The following ZC3H12B variants were observed in gnomAD, a reference collection of about 807,000 sequenced individuals.
ZC3H12B encodes probable ribonuclease ZC3H12B.
Under a neutral mutation model 43.9 loss-of-function variants are expected in ZC3H12B, and 7 were observed. The observed-to-expected ratio is 0.16, with a 90% CI of 0.09 to 0.30. ZC3H12B has a LOEUF of 0.30. Ranked by LOEUF, ZC3H12B falls within the 10% of genes least tolerant of loss-of-function variation. ZC3H12B has a pLI of 1.00. For synonymous variants in ZC3H12B, 222 were observed against 241.7 expected (o/e 0.92, Z 0.76); for missense variants, 475 against 670.2 (o/e 0.71, Z 3.22).
At position 65,427,190 on chromosome X, in the gene ZC3H12B, T is replaced by G. The variant is rs756668736; in HGVS notation, n.407+28486T>G. Among the ~76,000 whole-genome samples the G allele has an allele frequency of 1.2e-3, 137 of 112,017 alleles. 1 individual carries two copies. The highest frequency in any genetic ancestry group is 1.8e-3 in the Non-Finnish European group (98 of 53,196). On this transcript the variant is annotated intron_variant and non_coding_transcript_variant, in intron 3 of 5. Coordinates refer to the ZC3H12B transcript ENST00000617377. ...GGATAGATAGCTCTTCTTGTTGAAT[T>G]GAACTCTTTACCATTATGTAATGCC...
chrX:65,365,110 T>C (rs2066156397), upstream of ZC3H12B, among the ~76,000 whole-genome samples: 1 of 111,020 alleles, frequency 9.0e-6, no homozygotes, highest in Non-Finnish European at 1.9e-5. Context: ...AGGCTCTTGG[T>C]ATTCAGTGGA....
chrX:65,161,434 A>G, the ZC3H12B span, among the ~76,000 whole-genome samples: 1 of 111,366 alleles, frequency 9.0e-6, no homozygotes, highest in Non-Finnish European at 1.9e-5. Flanking sequence ...TGCTTTATGA[A>G]TCTGGGTGCT....
the ZC3H12B span, among the ~76,000 whole-genome samples, chrX:65,320,478 A>G: frequency 1.8e-5 from 2 of 112,227 alleles, no homozygotes; most frequent in African/African-American, 3.2e-5. Context: ...TGCCAAAAGC[A>G]ATTTGTGGTT....
the ZC3H12B span, among the ~76,000 whole-genome samples, chrX:65,212,623 T>C: frequency 7.1e-5 from 6 of 84,495 alleles, no homozygotes; most frequent in Non-Finnish European, 1.1e-4. Context: ...TGATATATAA[T>C]ATATATAAAT....
the ZC3H12B span, among the ~76,000 whole-genome samples, chrX:65,053,497 C>T: frequency 1.4e-3 from 153 of 111,588 alleles, no homozygotes; most frequent in African/African-American, 4.8e-3. Flanking sequence ...TTTCTTAATC[C>T]AATCTATCAT....
the ZC3H12B span, among the ~76,000 whole-genome samples, chrX:65,251,646 G>C: frequency 9.0e-6 from 1 of 111,322 alleles, no homozygotes; most frequent in African/African-American, 3.3e-5. Context: ...CCTTGAAAAG[G>C]TCCTTCACAT....
At chrX:65,201,645 TC>T in the ZC3H12B span, among the ~76,000 whole-genome samples, 1 of 63,936 alleles carries the variant, frequency 1.6e-5, no homozygotes, top group Non-Finnish European at 2.6e-5. Context: ...ATCACCTCTC[TC>T]TCTCTCTCTC....
chrX:65,386,399 A>T (rs1420795029), intron 2 of ZC3H12B, among the ~76,000 whole-genome samples: 2 of 111,490 alleles, frequency 1.8e-5, no homozygotes, highest in Non-Finnish European at 3.8e-5. Flanking sequence ...CCAGTAATTT[A>T]TTCATTTCTT....
chrX:65,204,384 G>C, the ZC3H12B span, among the ~76,000 whole-genome samples: 2 of 111,543 alleles, frequency 1.8e-5, no homozygotes, highest in African/African-American at 6.5e-5. Context: ...AGCGAGTTTA[G>C]ATTTAACTAG....
At chrX:65,206,221 A>T in the ZC3H12B span, among the ~76,000 whole-genome samples, 1 of 112,130 alleles carries the variant, frequency 8.9e-6, no homozygotes, top group Admixed American at 9.5e-5. Context: ...ACTAAGTAAA[A>T]AGAACAAATC....
chrX:65,268,857 T>C, the ZC3H12B span, among the ~76,000 whole-genome samples: 1 of 112,163 alleles, frequency 8.9e-6, no homozygotes, highest in African/African-American at 3.2e-5. Context: ...CTCTCACTAC[T>C]TCTATTTATC....
intron 3 of ZC3H12B, among the ~76,000 whole-genome samples, chrX:65,406,331 A>G (rs1351990414): frequency 9.3e-6 from 1 of 107,882 alleles, no homozygotes; most frequent in Admixed American, 1.0e-4. Flanking sequence ...GGATGCAAGG[A>G]TGGTCCAACA....
At chrX:65,120,062 G>T in the ZC3H12B span, among the ~76,000 whole-genome samples, 1 of 112,063 alleles carries the variant, frequency 8.9e-6, no homozygotes, top group South Asian at 3.7e-4. Flanking sequence ...TTGTAGTATA[G>T]TTTGAAGTCA....
At chrX:65,430,717 C>A (rs2067149155) in intron 3 of ZC3H12B, among the ~76,000 whole-genome samples, 1 of 109,953 alleles carries the variant, frequency 9.1e-6, no homozygotes, top group Non-Finnish European at 1.9e-5. Context: ...TGTATATGTG[C>A]CACATTTTCT....
At chrX:65,161,337 G>C in the ZC3H12B span, among the ~76,000 whole-genome samples, 1 of 111,366 alleles carries the variant, frequency 9.0e-6, no homozygotes, top group African/African-American at 3.3e-5. Context: ...CTGTCTCGTT[G>C]ATCTGTCTGT....
the ZC3H12B span, among the ~76,000 whole-genome samples, chrX:65,344,325 G>T: frequency 9.0e-6 from 1 of 111,054 alleles, no homozygotes; most frequent in Non-Finnish European, 1.9e-5. Context: ...ACTATAAAAA[G>T]CTAGGTTACA....
chrX:65,350,406 A>G, the ZC3H12B span, among the ~76,000 whole-genome samples: 526 of 112,027 alleles, frequency 4.7e-3, 4 homozygotes, highest in African/African-American at 0.016. Flanking sequence ...ATTCTCTTAG[A>G]AAATCAGCAA....
At chrX:65,198,663 A>T in the ZC3H12B span, among the ~76,000 whole-genome samples, 1 of 111,659 alleles carries the variant, frequency 9.0e-6, no homozygotes, top group East Asian at 2.8e-4. Flanking sequence ...TGAAAATCAA[A>T]TGTCTTGAGG....
At chrX:65,072,872 C>T in the ZC3H12B span, among the ~76,000 whole-genome samples, 452 of 112,458 alleles carry the variant, frequency 4.0e-3, 3 homozygotes, top group Admixed American at 6.7e-3. Context: ...TGGGGAGACC[C>T]CTACTTGTTA....
Sources: allele counts gnomAD v4.1 joint callset (sites outside exome capture counted in the v4.1 genomes callset), GRCh38; gene constraint gnomAD v4.1.1; transcripts MANE v1.5; gene names NCBI Gene and HGNC (gene_info 2026-07-23, HGNC 2026-07-21).